The following VIL1 variants were observed in gnomAD, a reference collection of about 807,000 sequenced individuals.
VIL1 encodes the protein villin-1.
VIL1 carries 86 observed loss-of-function variants against 104.0 expected under a neutral mutation model. The observed-to-expected ratio is 0.83, with a 90% confidence interval of 0.69 to 0.99. The LOEUF is 0.99. Ranked by LOEUF, VIL1 falls within the 50% of genes least tolerant of loss-of-function variation. VIL1 has a pLI of 0.00. For missense variants in VIL1, 944 were observed against 1,054.1 expected, an observed-to-expected ratio of 0.90 and a Z score of 1.45; for synonymous variants, 394 against 412.6, an observed-to-expected ratio of 0.95 and a Z score of 0.55.
intron 15 of VIL1, 126 bp downstream of exon 15, chr2:218,435,560 AC>A: frequency 7.6e-7 from 1 of 1,308,926 alleles, no homozygotes. Context: ...ACTGTGCCAG[AC>A]CCCCAGGGCT....
At chr2:218,433,901 G>GA (rs35518584) in intron 13 of VIL1, among the ~76,000 whole-genome samples, 2,192 of 118,472 alleles carry the variant, frequency 0.019, 16 homozygotes, top group Middle Eastern at 0.1. Flanking sequence ...CCGTCTCAAG[G>GA]AAAAAAAAAA....
At chr2:218,429,779 T>C in intron 8 of VIL1, 70 bp from the exon 9 acceptor site, 1 of 1,587,100 alleles carries the variant, frequency 6.3e-7, no homozygotes, top group East Asian at 2.2e-5. Flanking sequence ...GGGAGAGACT[T>C]TTTTGTGTGT....
intron 13 of VIL1, 96 bp downstream of exon 13, chr2:218,433,047 G>C: frequency 1.4e-6 from 2 of 1,469,718 alleles, no homozygotes; most frequent in Non-Finnish European, 1.9e-6. Flanking sequence ...AGCAGGGCTT[G>C]AGGTGAAGCC....
At chr2:218,441,555 C>T (rs1689284931) in intron 19 of VIL1, among the ~76,000 whole-genome samples, 1 of 152,078 alleles carries the variant, frequency 6.6e-6, no homozygotes. Context: ...TGCAAGAGGG[C>T]CAGAGTGGCT....
At chr2:218,439,291 AGCATATTAAAAT>A (rs1043642132) in intron 18 of VIL1, among the ~76,000 whole-genome samples, 1 of 152,118 alleles carries the variant, frequency 6.6e-6, no homozygotes, top group African/African-American at 2.4e-5. Flanking sequence ...GTGAGGGGGA[AGCATATTAAAAT>A]GCAGATTCCA....
chr2:218,429,242 T>C (rs1419595610), intron 6 of VIL1, 43 bp from the exon 7 acceptor site: 5 of 1,576,432 alleles, frequency 3.2e-6, no homozygotes, highest in Non-Finnish European at 3.5e-6. Flanking sequence ...CACTGCCTCA[T>C]TCCCCGACTA....
In VIL1 at chr2:218,437,327, C is replaced by G; in HGVS notation, c.2160+15C>G. ...TCAAGTGGAGTGTGAGTGGCCTCAT[C>G]CCAGCATGTCCTTCTCTAGCCCTGC... is the stretch of plus-strand genomic sequence containing the variant. On this transcript the variant is annotated intron_variant, in intron 17 of 19. Coordinates refer to ENST00000248444, the MANE Select transcript of VIL1 (RefSeq NM_007127.3). 2 of 1,610,044 alleles carry G rather than the reference C, an allele frequency of 1.2e-6. No homozygotes were observed. The highest frequency in any genetic ancestry group is 2.2e-5 in the South Asian group (2 of 90,902).
At position 218,430,102 on chromosome 2, in the gene VIL1, C is replaced by T. The variant is rs570228249; in HGVS notation, c.948+155C>T. Among the ~76,000 whole-genome samples the T allele has an allele frequency of 3.3e-5, 5 of 152,120 alleles. No homozygotes were observed. The East Asian group carries it at 5.8e-4, about 18-fold the overall frequency. ...GGAGGAGCAGGATGAGGGCTGGGCC[C>T]GGCCCAATGGGAGGGGCCTGAGGGG... is the stretch of plus-strand genomic sequence containing the variant. On this transcript the variant is annotated intron_variant, in intron 9 of 19. Coordinates refer to ENST00000248444, the MANE Select transcript of VIL1 (RefSeq NM_007127.3).
At chr2:218,428,921 C>T (rs1329136694) in intron 6 of VIL1, among the ~76,000 whole-genome samples, 1 of 152,214 alleles carries the variant, frequency 6.6e-6, no homozygotes, top group Non-Finnish European at 1.5e-5. Context: ...CCACCCGCCT[C>T]GGCCTCCCAG....
Position 218,429,841 on chromosome 2 carries a change from G to T in VIL1, c.850-8G>T. On this transcript the variant is annotated splice_polypyrimidine_tract_variant and splice_region_variant and intron_variant, in intron 8 of 19. Coordinates refer to ENST00000248444, the MANE Select transcript of VIL1 (RefSeq NM_007127.3). ...GCTCCATCAGACTCTTACCTCTCCC[G>T]ACTCTAGGACTGTTACATCCTGGAC... 1 of 1,612,494 alleles carries T rather than the reference G, an allele frequency of 6.2e-7. No homozygotes were observed. Among genetic ancestry groups the T allele is most frequent in the Non-Finnish European group, 8.5e-7 (1 of 1,178,818 alleles).
rs1364264182 is a variant in VIL1, at chr2:218,438,687, G to A, written c.2190G>A (p.Ala730=). 6.2e-6 allele frequency: 10 copies of A among 1,612,626 alleles called. No homozygotes were observed. Among genetic ancestry groups the A allele is most frequent in the South Asian group, 4.4e-5 (4 of 90,484 alleles). Residue 730 remains alanine (A), a synonymous_variant, in exon 18 of 20, where the codon GCG becomes GCA. Transcript: ENST00000248444. The stretch of plus-strand genomic sequence containing the variant: ...CCAAATCCTATGAGGACCTGAAGGC[G>A]GAGCTTGGCAACTCTAGGGACTGGA... The part of the protein sequence containing the change: ...SNTKSYEDLK[A]ELGNSRDWSQ...
chr2:218,431,804 A>C lies in VIL1; in HGVS notation c.1103-53A>C, dbSNP rs1360156848. On this transcript the variant is annotated intron_variant, in intron 10 of 19. Transcript: ENST00000248444. ...GCCACCATTCAGGGCTGTTGTGAGG[A>C]CCTGGGAGACCTCAGCTGGTGACAG... is the stretch of plus-strand genomic sequence containing the variant. The C allele has an allele frequency of 3.4e-6, 5 of 1,472,554 alleles. No individual in the cohort carries two copies. In the East Asian group the frequency reaches 6.9e-5, roughly 20 times the overall value. The allele number at this position is 1,472,554 out of a possible 1,614,324, so 91.2% of individuals were successfully genotyped here.
At chr2:218,419,793 C>G (rs1230702432) in intron 1 of VIL1, among the ~76,000 whole-genome samples, 1 of 152,220 alleles carries the variant, frequency 6.6e-6, no homozygotes, top group African/African-American at 2.4e-5. Flanking sequence ...CTACCCGGAG[C>G]TGCCCCATTG....
chr2:218,442,648 T>C (rs1397812682), intron 19 of VIL1, among the ~76,000 whole-genome samples: 1 of 152,106 alleles, frequency 6.6e-6, no homozygotes, highest in Non-Finnish European at 1.5e-5. Context: ...ATTTCTAATA[T>C]TCAATCCCAC....
chr2:218,429,216 G>T, intron 6 of VIL1, 69 bp from the exon 7 acceptor site: 1 of 1,536,586 alleles, frequency 6.5e-7, no homozygotes. Flanking sequence ...TGCCTGGCAG[G>T]GTGTAGGGTG....
chr2:218,429,955 T>TTGGGGG lies in VIL1; in HGVS notation c.948+8_948+9insTGGGGG. 6.9e-6 allele frequency: 4 copies of TTGGGGG among 577,698 alleles called. No homozygotes were observed. The highest frequency in any genetic ancestry group is 1.0e-5 in the Non-Finnish European group (4 of 394,764). The allele number at this position is 577,698 out of a possible 1,614,324, so 35.8% of individuals were successfully genotyped here. ...GCCATGAGCCATGCGCTGGTAGTGGTGGGGGCGGGGGAGGGTCCAGGAGGA... is the reference window on the plus strand; with the variant it reads ...GCCATGAGCCATGCGCTGGTAGTGGTTGGGGGGGGGGCGGGGGAGGGTCCAGGAGGA... On this transcript the variant is annotated intron_variant, in intron 9 of 19. Transcript: ENST00000248444.
chr2:218,435,497 C>A (rs536419583), intron 15 of VIL1, 63 bp downstream of exon 15: 3 of 1,574,096 alleles, frequency 1.9e-6, no homozygotes, highest in Admixed American at 1.8e-5. Context: ...GCATCTCCAT[C>A]CCTACACCCA....
At chr2:218,420,322 G>A (rs905722131) in intron 1 of VIL1, among the ~76,000 whole-genome samples, 6 of 151,316 alleles carry the variant, frequency 4.0e-5, no homozygotes, top group South Asian at 4.2e-4. Context: ...CCAGCTACTC[G>A]GGAGGCTGAG....
Position 218,449,363 on chromosome 2 carries a change from TA to T in VIL1, c.*28del, listed in dbSNP as rs1689427427. The T allele has an allele frequency of 5.2e-6, 8 of 1,540,330 alleles. No homozygotes were observed. The highest frequency in any genetic ancestry group is 7.2e-6 in the Non-Finnish European group (8 of 1,113,364). On this transcript the variant is annotated 3_prime_UTR_variant, in exon 20 of 20. Transcript: ENST00000248444. ...AAGAGTAGCTGTGGTTGTAAAGCAG[TA>T]CCCTACCCTGATTGTAGGGTCTCAT...
Sources: allele counts gnomAD v4.1 joint callset (sites outside exome capture counted in the v4.1 genomes callset), GRCh38; gene constraint gnomAD v4.1.1; transcripts MANE v1.5; gene names NCBI Gene and HGNC (gene_info 2026-07-23, HGNC 2026-07-21).